Variants in CCDC66 observed in about 807,000 individuals in gnomAD.
CCDC66 encodes the protein coiled-coil domain-containing protein 66.
In CCDC66, 133 loss-of-function variants were observed where a neutral mutation model predicts 128.3. The observed-to-expected ratio is 1.04, with a 90% confidence interval of 0.90 to 1.20. CCDC66 has a LOEUF of 1.20. CCDC66 is among the 50% of genes most tolerant of loss of function. The probability of loss-of-function intolerance (pLI) is 0.00; values close to 1 mark genes in which losing one functional copy is unlikely to be tolerated. For missense variants in CCDC66, 1,126 were observed against 1,075.5 expected (o/e 1.05, Z -0.66); for synonymous variants, 387 against 357.0 (o/e 1.08, Z -0.95).
intron 10 of CCDC66, among the ~76,000 whole-genome samples, chr3:56,612,695 G>A (rs935359428): frequency 2.0e-5 from 3 of 152,204 alleles, no homozygotes; most frequent in Non-Finnish European, 4.4e-5. Context: ...CTTGCAGGTG[G>A]CATATGAGGG....
chr3:56,585,016 G>A (rs1024966222), intron 7 of CCDC66, among the ~76,000 whole-genome samples: 4 of 151,586 alleles, frequency 2.6e-5, no homozygotes, highest in African/African-American at 7.3e-5. Context: ...CAGGCAGGGA[G>A]GTTGCAGTGA....
intron 10 of CCDC66, among the ~76,000 whole-genome samples, chr3:56,607,001 G>A (rs538342626): frequency 5.9e-5 from 9 of 152,246 alleles, no homozygotes; most frequent in African/African-American, 2.2e-4. Flanking sequence ...ATTGGTCTAT[G>A]TGCCTATTTT....
intron 5 of CCDC66, 39 bp from the exon 6 acceptor site, chr3:56,566,911 T>A (rs1470717034): frequency 3.2e-6 from 5 of 1,544,936 alleles, no homozygotes. Flanking sequence ...TGTAGAAATG[T>A]ATGATACAGT....
At chr3:56,583,953 C>T (rs550578215) in intron 7 of CCDC66, among the ~76,000 whole-genome samples, 1,975 of 132,040 alleles carry the variant, frequency 0.015, 58 homozygotes, top group Non-Finnish European at 0.019. Flanking sequence ...CCGGACGGGG[C>T]GGCTGGCCGG....
intron 7 of CCDC66, among the ~76,000 whole-genome samples, chr3:56,587,142 A>C (rs1274852122): frequency 6.6e-6 from 1 of 151,928 alleles, no homozygotes; most frequent in Non-Finnish European, 1.5e-5. Flanking sequence ...ATTGGAGAGG[A>C]AAAAATGAAA....
intron 3 of CCDC66, chr3:56,560,905 A>G: frequency 2.2e-6 from 1 of 456,598 alleles, no homozygotes; most frequent in South Asian, 1.5e-5. Context: ...CCCAGTTTGG[A>G]TGATGTACCA....
At chr3:56,571,841 C>T (rs990802582) in intron 7 of CCDC66, among the ~76,000 whole-genome samples, 6 of 152,094 alleles carry the variant, frequency 3.9e-5, no homozygotes, top group Non-Finnish European at 8.8e-5. Context: ...GCCTCTGCCT[C>T]CCAAATGGCT....
At chr3:56,580,167 C>T (rs1467754379) in intron 7 of CCDC66, among the ~76,000 whole-genome samples, 1 of 151,738 alleles carries the variant, frequency 6.6e-6, no homozygotes, top group Non-Finnish European at 1.5e-5. Context: ...TATGTAATGG[C>T]CTTCTTTGTC....
At chr3:56,586,684 A>G (rs1282318531) in intron 7 of CCDC66, among the ~76,000 whole-genome samples, 1 of 151,960 alleles carries the variant, frequency 6.6e-6, no homozygotes, top group Non-Finnish European at 1.5e-5. Context: ...TTTGTTAAAA[A>G]GCAGAGATAT....
intron 11 of CCDC66, among the ~76,000 whole-genome samples, chr3:56,613,983 G>C (rs1467463558): frequency 6.6e-6 from 1 of 152,160 alleles, no homozygotes; most frequent in African/African-American, 2.4e-5. Context: ...GTCTCACTAT[G>C]TTCAAGCGAT....
chr3:56,608,492 T>C (rs1286541051), intron 10 of CCDC66, among the ~76,000 whole-genome samples: 2 of 151,856 alleles, frequency 1.3e-5, no homozygotes, highest in African/African-American at 2.4e-5. Flanking sequence ...TGTTTCTTAG[T>C]GAGGTGTTTG....
At chr3:56,563,533 G>A (rs1159089675) in intron 3 of CCDC66, 151 bp from the exon 4 acceptor site, 2 of 585,098 alleles carry the variant, frequency 3.4e-6, no homozygotes, top group East Asian at 5.6e-5. Flanking sequence ...ATGAAGATTT[G>A]CAAGTATTAA....
chr3:56,565,230 G>GTATT (rs10687224), intron 4 of CCDC66: 223,044 of 300,424 alleles, frequency 0.74, 86,854 homozygotes, highest in Non-Finnish European at 0.84. Flanking sequence ...CAAGATATTT[G>GTATT]TATTCCCCTT....
rs781112806 is a variant in CCDC66 at position 56,593,931 on chromosome 3, T to G, written c.1320-13T>G. On this transcript the variant is annotated splice_polypyrimidine_tract_variant and intron_variant, in intron 9 of 17. Transcript: ENST00000394672. ...TTTGAGGTTTTGAATAGCTAATGTA[T>G]GTATCTTGCCAGCTTTCTCCGTTCT... is the stretch of plus-strand genomic sequence containing the variant. 25 of 1,613,650 alleles carry G rather than the reference T, an allele frequency of 1.5e-5. No homozygotes were observed. The highest frequency in any genetic ancestry group is 2.1e-5 in the Non-Finnish European group (25 of 1,179,674).
intron 10 of CCDC66, among the ~76,000 whole-genome samples, chr3:56,604,783 A>T (rs2073818938): frequency 6.6e-6 from 1 of 151,582 alleles, no homozygotes; most frequent in Non-Finnish European, 1.5e-5. Flanking sequence ...CTCCAGGAGT[A>T]TCTTTGCATT....
intron 10 of CCDC66, among the ~76,000 whole-genome samples, chr3:56,596,660 A>G (rs2071988295): frequency 6.6e-6 from 1 of 151,880 alleles, no homozygotes; most frequent in Admixed American, 6.6e-5. Flanking sequence ...GGTCTCGACC[A>G]CAAACTCTAT....
At chr3:56,579,445 C>G (rs1362293823) in intron 7 of CCDC66, among the ~76,000 whole-genome samples, 3 of 151,758 alleles carry the variant, frequency 2.0e-5, no homozygotes, top group South Asian at 2.1e-4. Flanking sequence ...TTCTTGCCTT[C>G]TGCTAGCTTT....
chr3:56,563,788 A>G lies in CCDC66; in HGVS notation c.207A>G (p.Gln69=). 6.4e-7 allele frequency: 1 copy of G among 1,552,144 alleles called. No individual in the cohort carries two copies. Among genetic ancestry groups the G allele is most frequent in the Non-Finnish European group, 8.7e-7 (1 of 1,147,080 alleles). Residue 69 remains glutamine, a synonymous_variant, in exon 4 of 18, where the codon CAA becomes CAG. Transcript: ENST00000394672. ...GTATTGGGAGTGAAAAACTTTTGCA[A>G]AAGAAGCCAGTTGGTTCAGAAACAT... The part of the protein sequence containing the change: ...DTCIGSEKLL[Q]KKPVGSETSQ...
chr3:56,614,335 T>C (rs2317134), intron 11 of CCDC66, among the ~76,000 whole-genome samples: 93,967 of 152,066 alleles, frequency 0.62, 31,628 homozygotes, highest in East Asian at 0.96. Flanking sequence ...CTCCTAGTTT[T>C]TTTGCTTCAT....
Sources: gnomAD v4.1 joint callset for allele counts (sites outside exome capture counted in the v4.1 genomes callset) on GRCh38, gnomAD v4.1.1 for gene constraint, MANE v1.5 for transcripts, NCBI Gene and HGNC (gene_info 2026-07-23, HGNC 2026-07-21) for gene names.